ADCY8: variants seen among roughly 807,000 people sequenced by gnomAD.
ADCY8 encodes adenylate cyclase type 8.
ADCY8 carries 51 observed loss-of-function variants against 119.7 expected under a neutral mutation model. The ratio of observed to expected loss-of-function variants is 0.43; its 90% CI spans 0.34 to 0.54. The LOEUF is 0.54. Ranked by LOEUF, ADCY8 falls within the 20% of genes least tolerant of loss-of-function variation. ADCY8 has a pLI of 0.03. For missense variants in ADCY8, 1,383 were observed against 1,598.8 expected (o/e 0.87, Z 2.30); for synonymous variants, 665 against 651.0 (o/e 1.02, Z -0.33).
At chr8:130,782,312 C>A (rs1211564961) in intron 17 of ADCY8, among the ~76,000 whole-genome samples, 2 of 152,044 alleles carry the variant, frequency 1.3e-5, no homozygotes, top group Non-Finnish European at 2.9e-5. Context: ...CAGCCAATAT[C>A]CCATTTGATT....
intron 15 of ADCY8, among the ~76,000 whole-genome samples, chr8:130,786,293 G>A (rs535069763): frequency 3.3e-5 from 5 of 152,310 alleles, no homozygotes; most frequent in South Asian, 2.1e-4. Context: ...GAAGGAATGG[G>A]TGCTATCCTG....
At chr8:130,937,346 T>A in intron 4 of ADCY8, 146 bp from the exon 5 acceptor site, 1 of 831,180 alleles carries the variant, frequency 1.2e-6, no homozygotes, top group African/African-American at 1.7e-5. Flanking sequence ...TCTACCTGTC[T>A]TTCTAAAATA....
At chr8:130,809,852 T>C (rs1168325579) in intron 14 of ADCY8, among the ~76,000 whole-genome samples, 1 of 152,250 alleles carries the variant, frequency 6.6e-6, no homozygotes, top group African/African-American at 2.4e-5. Flanking sequence ...GCTTTCAGCA[T>C]ACCCCTGGCT....
At chr8:130,822,007 C>A (rs1816525386) in intron 12 of ADCY8, among the ~76,000 whole-genome samples, 1 of 151,952 alleles carries the variant, frequency 6.6e-6, no homozygotes, top group South Asian at 2.1e-4. Context: ...TTCTATAGAC[C>A]CAGAGAAGCA....
intron 1 of ADCY8, among the ~76,000 whole-genome samples, chr8:131,026,711 G>T (rs1823834668): frequency 3.3e-5 from 5 of 152,174 alleles, no homozygotes; most frequent in African/African-American, 7.2e-5. Flanking sequence ...AGATGCAGGG[G>T]TTAAGCCAGG....
intron 1 of ADCY8, among the ~76,000 whole-genome samples, chr8:131,004,552 T>G (rs778188711): frequency 3.9e-5 from 6 of 152,204 alleles, no homozygotes; most frequent in Non-Finnish European, 5.9e-5. Flanking sequence ...GTGATCAGGC[T>G]CACCCATTAT....
chr8:130,860,671 C>T (rs1817896200), intron 9 of ADCY8, among the ~76,000 whole-genome samples: 1 of 152,148 alleles, frequency 6.6e-6, no homozygotes, highest in Admixed American at 6.5e-5. Context: ...ATTTGCAGAA[C>T]GTGCAGGTTT....
At chr8:130,814,861 G>A (rs1026409502) in intron 13 of ADCY8, among the ~76,000 whole-genome samples, 12 of 152,242 alleles carry the variant, frequency 7.9e-5, no homozygotes, top group African/African-American at 2.2e-4. Flanking sequence ...ATTTGGGTGG[G>A]AACACAGCCA....
At chr8:130,821,553 G>A (rs1247294607) in intron 12 of ADCY8, 133 bp from the exon 13 acceptor site, 2 of 658,252 alleles carry the variant, frequency 3.0e-6, no homozygotes, top group East Asian at 5.8e-5. Context: ...TGTGATAGTG[G>A]CTGCTCTAAG....
intron 1 of ADCY8, among the ~76,000 whole-genome samples, chr8:131,009,397 C>G (rs553413255): frequency 2.0e-5 from 3 of 152,158 alleles, no homozygotes; most frequent in African/African-American, 7.2e-5. Context: ...GGGTGGTTTC[C>G]CCCTTTTCCC....
intron 14 of ADCY8, among the ~76,000 whole-genome samples, chr8:130,807,841 G>A (rs979386550): frequency 8.1e-5 from 12 of 148,486 alleles, no homozygotes; most frequent in Admixed American, 3.4e-4. Flanking sequence ...AAAATTAGCC[G>A]GGCGTAGTGG....
chr8:131,017,405 A>C (rs1823514049), intron 1 of ADCY8, among the ~76,000 whole-genome samples: 1 of 152,230 alleles, frequency 6.6e-6, no homozygotes, highest in East Asian at 1.9e-4. Flanking sequence ...AGCAGGCAGC[A>C]GTCGGAGCTA....
intron 5 of ADCY8, among the ~76,000 whole-genome samples, chr8:130,914,746 G>T (rs1199888499): frequency 2.6e-5 from 4 of 152,168 alleles, no homozygotes; most frequent in Admixed American, 2.6e-4. Flanking sequence ...GGGATGTTTT[G>T]CTGTGCCTAA....
At chr8:130,937,258 G>C (rs935115927) in intron 4 of ADCY8, 58 bp from the exon 5 acceptor site, 1 of 1,558,882 alleles carries the variant, frequency 6.4e-7, no homozygotes, top group Admixed American at 1.9e-5. Context: ...CAGTTCTTCA[G>C]AAAGGCTTGA....
At chr8:131,012,156 A>G (rs963787846) in intron 1 of ADCY8, among the ~76,000 whole-genome samples, 2 of 151,922 alleles carry the variant, frequency 1.3e-5, no homozygotes, top group Admixed American at 1.3e-4. Flanking sequence ...TGAACTCTAA[A>G]CCATGACTTT....
At chr8:130,886,519 G>A (rs1339113626) in intron 7 of ADCY8, among the ~76,000 whole-genome samples, 1 of 151,954 alleles carries the variant, frequency 6.6e-6, no homozygotes, top group East Asian at 1.9e-4. Context: ...GCCACTTGGT[G>A]GATTTCTCAT....
chr8:130,861,316 T>A (rs930055521), intron 9 of ADCY8, among the ~76,000 whole-genome samples: 7 of 152,216 alleles, frequency 4.6e-5, no homozygotes, highest in African/African-American at 1.7e-4. Context: ...CAATAGCAAG[T>A]CTTCCAATCC....
intron 1 of ADCY8, among the ~76,000 whole-genome samples, chr8:131,019,831 CTCTCTCTGTCTG>C (rs1563770584): frequency 5.0e-5 from 5 of 100,502 alleles, no homozygotes; most frequent in African/African-American, 1.9e-4. Context: ...CTCTCTCTCT[CTCTCTCTGTCTG>C]TCTCTCTCTC....
chr8:130,812,256 C>A (rs929998207), intron 14 of ADCY8, among the ~76,000 whole-genome samples: 1 of 149,752 alleles, frequency 6.7e-6, no homozygotes, highest in Admixed American at 6.6e-5. Context: ...GTGGAAATGA[C>A]CATCGCCCAT....
Sources: gnomAD v4.1 joint callset for allele counts (sites outside exome capture counted in the v4.1 genomes callset) on GRCh38, gnomAD v4.1.1 for gene constraint, MANE v1.5 for transcripts, NCBI Gene and HGNC (gene_info 2026-07-23, HGNC 2026-07-21) for gene names.